TFG: variants seen among roughly 807,000 people sequenced by gnomAD.
TFG encodes protein TFG.
A neutral mutation model predicts 51.4 loss-of-function variants in TFG; 22 were observed. That is an observed-to-expected ratio of 0.43 (90% CI 0.31 to 0.61). TFG has a LOEUF of 0.61. Among genes scored for constraint, TFG ranks in the 20% least tolerant of loss-of-function variants. The probability of loss-of-function intolerance (pLI) is 0.12; values close to 1 mark genes in which losing one functional copy is unlikely to be tolerated. For synonymous variants in TFG, 187 were observed against 165.6 expected, an observed-to-expected ratio of 1.13 and a Z score of -0.99; for missense variants, 419 against 487.7, an observed-to-expected ratio of 0.86 and a Z score of 1.33.
At chr3:100,742,611 A>G (rs1239232245) in intron 6 of TFG, 2 of 152,134 alleles carry the variant, frequency 1.3e-5, no homozygotes, top group Non-Finnish European at 2.9e-5. Flanking sequence ...TAAGTAACCT[A>G]ACATACACAT....
rs1243530271 is a variant in TFG, at chr3:100,709,621, C to G, written c.-144C>G. The G allele has an allele frequency of 6.6e-6, 1 of 151,276 alleles. No homozygotes were observed. The highest frequency in any genetic ancestry group is 1.5e-5 in the Non-Finnish European group (1 of 67,792). 9.4% of individuals were successfully genotyped at this position (151,276 alleles called of 1,614,324 possible). On this transcript the variant is annotated 5_prime_UTR_variant, in exon 1 of 8. Transcript: ENST00000240851. ...GGTCGCGAAGGGCAACCGAGGGGGC[C>G]GTGACCACCGCCTCCCCGCGACGCC...
chr3:100,718,783 C>T (rs1002660818), intron 2 of TFG, among the ~76,000 whole-genome samples: 1 of 152,056 alleles, frequency 6.6e-6, no homozygotes, highest in Non-Finnish European at 1.5e-5. Context: ...GTCTCGAACT[C>T]CTGACCTCAG....
intron 7 of TFG, 39 bp downstream of exon 7, chr3:100,744,970 T>G: frequency 7.3e-7 from 1 of 1,376,990 alleles, no homozygotes; most frequent in Non-Finnish European, 1.0e-6. Flanking sequence ...CATGGTTTTT[T>G]GTTTCTATAC....
intron 3 of TFG, among the ~76,000 whole-genome samples, chr3:100,721,975 A>T (rs1225585260): frequency 6.6e-6 from 1 of 152,134 alleles, no homozygotes; most frequent in African/African-American, 2.4e-5. Context: ...ACACGGTAAA[A>T]CCCTATCTCT....
Position 100,748,334 on chromosome 3 carries a change from C to G in TFG, c.1006C>G (p.Pro336Ala). Residue 336 changes from proline to alanine, a missense_variant, in exon 8 of 8, where the codon CCT becomes GCT. Pro to Ala is a conservative substitution (Grantham distance 27, BLOSUM62 -1). Transcript: ENST00000240851. ...AQTYTAQTSQPTNYTVAPASQ... is the reference protein window; with the variant it reads ...AQTYTAQTSQATNYTVAPASQ... The stretch of plus-strand genomic sequence containing the variant: ...AACTTACACTGCCCAAACTTCTCAG[C>G]CTACTAATTATACTGTGGCTCCTGC... The G allele has an allele frequency of 5.0e-6, 8 of 1,614,082 alleles. No homozygotes were observed. Among genetic ancestry groups the G allele is most frequent in the Non-Finnish European group, 6.8e-6 (8 of 1,180,000 alleles).
Position 100,724,553 on chromosome 3 carries a change from A to G in TFG, c.269-4159A>G, listed in dbSNP as rs147299025. Reference sequence around the variant, plus strand: ...ATATCTAAGGAACAGATGATTCTAAATTATACAAACTATTCAAGAGCATAG... The same window carrying G: ...ATATCTAAGGAACAGATGATTCTAAGTTATACAAACTATTCAAGAGCATAG... On this transcript the variant is annotated intron_variant, in intron 3 of 7. Transcript: ENST00000240851. Among the ~76,000 whole-genome samples the G allele has an allele frequency of 1.2e-3, 176 of 152,322 alleles. 1 individual carries two copies. The highest frequency in any genetic ancestry group is 4.0e-3 in the African/African-American group (168 of 41,580).
intron 3 of TFG, among the ~76,000 whole-genome samples, chr3:100,724,184 A>G (rs1370101034): frequency 6.6e-6 from 1 of 152,224 alleles, no homozygotes; most frequent in East Asian, 1.9e-4. Context: ...AAGGTATTCA[A>G]ACAGTTACAA....
intron 6 of TFG, among the ~76,000 whole-genome samples, chr3:100,742,277 G>A (rs2095123331): frequency 6.6e-6 from 1 of 152,110 alleles, no homozygotes; most frequent in Non-Finnish European, 1.5e-5. Flanking sequence ...TGACGTATGA[G>A]GAAATCAGTT....
intron 3 of TFG, among the ~76,000 whole-genome samples, chr3:100,723,860 C>G (rs1220073783): frequency 6.6e-6 from 1 of 151,448 alleles, no homozygotes; most frequent in East Asian, 1.9e-4. Context: ...ACTCATAGTG[C>G]ATTATAGAAG....
intron 6 of TFG, among the ~76,000 whole-genome samples, chr3:100,739,809 A>G (rs1053535935): frequency 6.6e-6 from 1 of 152,150 alleles, no homozygotes; most frequent in East Asian, 1.9e-4. Flanking sequence ...TATATGTCCA[A>G]CTGATAATCT....
At chr3:100,731,397 AAG>A (rs1439501178) in intron 4 of TFG, among the ~76,000 whole-genome samples, 4 of 152,176 alleles carry the variant, frequency 2.6e-5, no homozygotes, top group Non-Finnish European at 1.5e-5. Flanking sequence ...GTATCCTGAG[AAG>A]AAAAGCATGA....
intron 2 of TFG, among the ~76,000 whole-genome samples, chr3:100,717,579 G>GTTTTTTTTTTTTTTTTTTTT (rs55750598): frequency 8.6e-6 from 1 of 116,554 alleles, no homozygotes; most frequent in Non-Finnish European, 1.8e-5. Context: ...TTTCATCAGT[G>GTTTTTTTTTTTTTTTTTTTT]TTTTTTTTTT....
chr3:100,724,997 G>T (rs1176097170), intron 3 of TFG, among the ~76,000 whole-genome samples: 1 of 152,170 alleles, frequency 6.6e-6, no homozygotes, highest in East Asian at 1.9e-4. Context: ...TCCGCCTCCG[G>T]GGCTCACCCC....
intron 6 of TFG, chr3:100,743,543 A>G (rs557534599): frequency 6.6e-5 from 10 of 152,140 alleles, no homozygotes; most frequent in Non-Finnish European, 1.2e-4. Context: ...TTCTTGTCAT[A>G]TTTGGGAATA....
intron 3 of TFG, among the ~76,000 whole-genome samples, chr3:100,726,649 T>A (rs1212196222): frequency 6.6e-6 from 1 of 152,234 alleles, no homozygotes; most frequent in Non-Finnish European, 1.5e-5. Flanking sequence ...TGTATCAGTG[T>A]GCTCCAAAGA....
At chr3:100,730,309 G>T (rs2149080179) in intron 4 of TFG, among the ~76,000 whole-genome samples, 1 of 152,094 alleles carries the variant, frequency 6.6e-6, no homozygotes, top group East Asian at 1.9e-4. Flanking sequence ...CCTCTTTCTT[G>T]CTACTGTTTA....
At chr3:100,736,749 A>C (rs770184325) in intron 6 of TFG, 33 bp downstream of exon 6, 2 of 1,603,340 alleles carry the variant, frequency 1.2e-6, no homozygotes, top group East Asian at 4.5e-5. Context: ...TGTTTGGGAA[A>C]GTACATGTGT....
chr3:100,748,390 T>A lies in TFG; in HGVS notation c.1062T>A (p.Pro354=). ...ASQPGMAPSQ[P]GAYQPRPGFT... ...AACCTGGAATGGCTCCAAGCCAACC[T>A]GGGGCCTATCAACCAAGACCAGGTT... The change falls in exon 8 of 8, where the codon CCT becomes CCA. Residue 354 remains proline, a synonymous_variant. Transcript: ENST00000240851. 1.2e-6 allele frequency: 2 copies of A among 1,614,144 alleles called. No homozygotes were observed. The highest frequency in any genetic ancestry group is 1.7e-6 in the Non-Finnish European group (2 of 1,179,996).
At chr3:100,715,060 C>T (rs1014142063) in intron 2 of TFG, among the ~76,000 whole-genome samples, 3 of 152,170 alleles carry the variant, frequency 2.0e-5, no homozygotes, top group Non-Finnish European at 4.4e-5. Flanking sequence ...GCTACCCACA[C>T]CATCCTTGTT....
Sources: gnomAD v4.1 joint callset for allele counts (sites outside exome capture counted in the v4.1 genomes callset) on GRCh38, gnomAD v4.1.1 for gene constraint, MANE v1.5 for transcripts, NCBI Gene and HGNC (gene_info 2026-07-23, HGNC 2026-07-21) for gene names.